The following CACNG4 variants were observed in gnomAD, a reference collection of about 807,000 sequenced individuals.
CACNG4 encodes the protein calcium voltage-gated channel auxiliary subunit gamma 4.
CACNG4 carries 8 observed loss-of-function variants against 22.9 expected under a neutral mutation model. That is an observed-to-expected ratio of 0.35 (90% CI 0.21 to 0.63). CACNG4 has a LOEUF of 0.63. Among genes scored for constraint, CACNG4 ranks in the 30% least tolerant of loss-of-function variants. The pLI, the probability that CACNG4 is intolerant of heterozygous loss-of-function variation, is 0.72. For synonymous variants in CACNG4, 188 were observed against 191.9 expected (o/e 0.98, Z 0.17); for missense variants, 357 against 455.4 (o/e 0.78, Z 1.97).
chr17:67,008,259 C>T (rs992058132), intron 1 of CACNG4, among the ~76,000 whole-genome samples: 3 of 152,322 alleles, frequency 2.0e-5, no homozygotes, highest in Admixed American at 6.5e-5. Flanking sequence ...TGCCTCTCCA[C>T]GCCTGGAGTT....
chr17:66,976,211 C>T (rs2035235200), intron 1 of CACNG4, among the ~76,000 whole-genome samples: 1 of 152,262 alleles, frequency 6.6e-6, no homozygotes, highest in Non-Finnish European at 1.5e-5. Flanking sequence ...TGGCCTGGTC[C>T]TGACTCCGCC....
chr17:66,981,758 G>A (rs2035275038), intron 1 of CACNG4, among the ~76,000 whole-genome samples: 1 of 152,172 alleles, frequency 6.6e-6, no homozygotes, highest in South Asian at 2.1e-4. Flanking sequence ...TAAAAAATAA[G>A]AGCAAATGCC....
chr17:66,968,107 C>G (rs1270063645), intron 1 of CACNG4, among the ~76,000 whole-genome samples: 3 of 152,130 alleles, frequency 2.0e-5, no homozygotes, highest in African/African-American at 7.2e-5. Context: ...GCAGATGAGC[C>G]AGGGAGGTGC....
chr17:67,031,249 G>T lies in CACNG4; in HGVS notation c.*245G>T. 1.5e-6 allele frequency: 1 copy of T among 656,332 alleles called. No individual in the cohort carries two copies. Among genetic ancestry groups the T allele is most frequent in the Non-Finnish European group, 2.8e-6 (1 of 358,270 alleles). 40.7% of individuals were successfully genotyped at this position (656,332 alleles called of 1,614,324 possible). A position where few individuals can be genotyped will look rare whatever the true frequency, so the allele number is the denominator to read the frequency against. On this transcript the variant is annotated 3_prime_UTR_variant, in exon 4 of 4. Coordinates refer to ENST00000262138, the MANE Select transcript of CACNG4 (RefSeq NM_014405.4). This position sits in a 1 kb window ranked among gnomAD's most constrained non-coding sequence, Gnocchi z 4.0. ...CGAAAAAGGGTGTTTTGATGCCTCA[G>T]GGTCTCTGAAATCTCCCGGGAAGCC...
chr17:66,976,246 C>G (rs189267747), intron 1 of CACNG4, among the ~76,000 whole-genome samples: 98 of 152,276 alleles, frequency 6.4e-4, no homozygotes, highest in African/African-American at 2.2e-3. Context: ...CAGTCTTTGG[C>G]TTGTCACTCA....
chr17:67,022,694 G>A (rs1378570918), intron 2 of CACNG4, among the ~76,000 whole-genome samples: 5 of 152,240 alleles, frequency 3.3e-5, no homozygotes, highest in Non-Finnish European at 5.9e-5. Context: ...AGTGCGGCCC[G>A]ACTCACTGTC....
At chr17:67,002,927 G>A (rs2035416996) in intron 1 of CACNG4, among the ~76,000 whole-genome samples, 1 of 152,146 alleles carries the variant, frequency 6.6e-6, no homozygotes, top group Non-Finnish European at 1.5e-5. Flanking sequence ...TTAGTCATGA[G>A]GCTCAGGGAA....
At chr17:66,985,943 GAAAA>G (rs144835669) in intron 1 of CACNG4, among the ~76,000 whole-genome samples, 3 of 147,744 alleles carry the variant, frequency 2.0e-5, no homozygotes. Context: ...TTTAAAAAAG[GAAAA>G]AAAAAAGAAG....
chr17:67,006,030 C>T (rs954501401), intron 1 of CACNG4, among the ~76,000 whole-genome samples: 3 of 152,232 alleles, frequency 2.0e-5, no homozygotes, highest in Non-Finnish European at 4.4e-5. Flanking sequence ...CACCCCTCCC[C>T]ACCTGGGAGC....
intron 3 of CACNG4, among the ~76,000 whole-genome samples, chr17:67,026,705 G>A (rs2143373935): frequency 6.6e-6 from 1 of 151,108 alleles, no homozygotes; most frequent in South Asian, 2.1e-4. Flanking sequence ...TATGGTATAT[G>A]TGTGTCTGAG....
intron 2 of CACNG4, chr17:67,021,773 T>C (rs1335764733): frequency 2.0e-5 from 3 of 152,350 alleles, no homozygotes; most frequent in Non-Finnish European, 4.4e-5. Context: ...GAGTCCACAG[T>C]GTGCCCGGGG....
At position 66,964,802 on chromosome 17, in the gene CACNG4, C is replaced by A; in HGVS notation, c.-110C>A. 5.4e-6 allele frequency: 2 copies of A among 371,394 alleles called. No individual in the cohort carries two copies. Among genetic ancestry groups the A allele is most frequent in the Non-Finnish European group, 7.3e-6 (2 of 272,460 alleles). The allele number at this position is 371,394 out of a possible 1,614,324, so 23.0% of individuals were successfully genotyped here. A position where few individuals can be genotyped will look rare whatever the true frequency, so the allele number is the denominator to read the frequency against. ...GGAGCGCGCAGCGCGGCGCCGCCCC[C>A]CGGCCCTCGGCCCCCCAACCCCGGC... On this transcript the variant is annotated 5_prime_UTR_variant, in exon 1 of 4. Transcript: ENST00000262138.
intron 1 of CACNG4, among the ~76,000 whole-genome samples, chr17:67,004,121 A>AAAAG (rs921906887): frequency 6.6e-6 from 1 of 152,242 alleles, no homozygotes; most frequent in African/African-American, 2.4e-5. Context: ...TCCTCATTAA[A>AAAAG]AAAGAAAGAA....
chr17:66,980,443 A>C (rs2143288827), intron 1 of CACNG4, among the ~76,000 whole-genome samples: 1 of 152,230 alleles, frequency 6.6e-6, no homozygotes, highest in Middle Eastern at 3.4e-3. Context: ...ATTTCTTAAT[A>C]TGTGACTCCG....
At chr17:67,026,285 GTT>G (rs1252878145) in intron 3 of CACNG4, among the ~76,000 whole-genome samples, 3 of 151,572 alleles carry the variant, frequency 2.0e-5, no homozygotes, top group Non-Finnish European at 4.4e-5. Flanking sequence ...AGTGTGGTGT[GTT>G]TGTGCGTGTT....
At chr17:66,998,462 C>T (rs1382333123) in intron 1 of CACNG4, among the ~76,000 whole-genome samples, 1 of 152,208 alleles carries the variant, frequency 6.6e-6, no homozygotes, top group Non-Finnish European at 1.5e-5. Context: ...CCTCAACCTC[C>T]CAAAGTGCTG....
chr17:67,009,888 G>C (rs1263383326), intron 1 of CACNG4, among the ~76,000 whole-genome samples: 4 of 152,096 alleles, frequency 2.6e-5, no homozygotes, highest in Non-Finnish European at 5.9e-5. Context: ...TTTGGGGGTA[G>C]AGGACACAAA....
intron 1 of CACNG4, among the ~76,000 whole-genome samples, chr17:66,973,222 AG>A (rs1448152152): frequency 5.4e-5 from 8 of 147,332 alleles, no homozygotes; most frequent in Middle Eastern, 3.5e-3. Flanking sequence ...CCTGGGCAAT[AG>A]AGCAAGACTC....
chr17:66,978,352 A>G lies in CACNG4; in HGVS notation c.220+13221A>G, dbSNP rs140599253. The stretch of plus-strand genomic sequence containing the variant: ...GTGTTCAATGCATGTAGTTATTCTC[A>G]TCTGCTAACCCAAAAAATACGTGGT... On this transcript the variant is annotated intron_variant, in intron 1 of 3. Transcript: ENST00000262138. 1.2e-4 allele frequency among the ~76,000 whole-genome samples: 19 copies of G among 152,316 alleles called. No homozygotes were observed. In the East Asian group the frequency reaches 3.3e-3, roughly 26 times the overall value.
Sources: gnomAD v4.1 joint callset for allele counts (sites outside exome capture counted in the v4.1 genomes callset) on GRCh38, gnomAD v4.1.1 for gene constraint, Gnocchi (gnomAD v3.1) non-coding constraint, MANE v1.5 for transcripts, NCBI Gene and HGNC (gene_info 2026-07-23, HGNC 2026-07-21) for gene names.